PDZD2: variants seen among roughly 807,000 people sequenced by gnomAD.
The protein encoded by PDZD2 is PDZ domain-containing protein 2.
Under a neutral mutation model 220.7 loss-of-function variants are expected in PDZD2, and 90 were observed. That is an observed-to-expected ratio of 0.41 (90% CI 0.34 to 0.49). PDZD2 has a LOEUF of 0.49. Ranked by LOEUF, PDZD2 falls within the 20% of genes least tolerant of loss-of-function variation. PDZD2 has a pLI of 0.28. For missense variants in PDZD2, 3,174 were observed against 3,608.5 expected (o/e 0.88, Z 3.08); for synonymous variants, 1,375 against 1,450.5 (o/e 0.95, Z 1.18).
chr5:31,853,682 C>G (rs62360852), intron 2 of PDZD2, among the ~76,000 whole-genome samples: 12,439 of 152,190 alleles, frequency 0.082, 624 homozygotes, highest in Middle Eastern at 0.15. Context: ...TTAATTGCTT[C>G]GAATTCCACC....
chr5:31,735,125 A>T (rs997076102), intron 1 of PDZD2, among the ~76,000 whole-genome samples: 1 of 152,136 alleles, frequency 6.6e-6, no homozygotes, highest in African/African-American at 2.4e-5. Flanking sequence ...CAGCCTCTTC[A>T]TGAGCCGTGG....
intron 2 of PDZD2, chr5:31,936,278 G>T (rs1183357040): frequency 1.7e-5 from 17 of 987,568 alleles, no homozygotes; most frequent in Non-Finnish European, 7.2e-6. Flanking sequence ...ACCAACTTTG[G>T]AGTCTGTCCC....
At chr5:31,775,682 T>TGTGTGTGTGA (rs1554073335) in intron 1 of PDZD2, among the ~76,000 whole-genome samples, 5 of 151,238 alleles carry the variant, frequency 3.3e-5, no homozygotes, top group East Asian at 3.9e-4. Flanking sequence ...TGTGTGTGTG[T>TGTGTGTGTGA]GTGTGTGTGT....
intron 2 of PDZD2, among the ~76,000 whole-genome samples, chr5:31,959,668 G>A (rs1441479662): frequency 6.6e-6 from 1 of 152,136 alleles, no homozygotes; most frequent in African/African-American, 2.4e-5. Context: ...AAGTTCAAGA[G>A]TCAATAAAGC....
intron 2 of PDZD2, chr5:31,936,264 C>T: frequency 2.0e-6 from 2 of 987,600 alleles, no homozygotes; most frequent in Non-Finnish European, 2.4e-6. Context: ...GGAAGTGAAG[C>T]ACAACCAACT....
intron 4 of PDZD2, among the ~76,000 whole-genome samples, chr5:31,996,960 AGCATGT>A (rs879776351): frequency 2.6e-5 from 4 of 152,210 alleles, no homozygotes; most frequent in Non-Finnish European, 5.9e-5. Context: ...GTTTAGCTAG[AGCATGT>A]GCAAAACAGT....
At chr5:31,748,230 C>T (rs148612974) in intron 1 of PDZD2, among the ~76,000 whole-genome samples, 237 of 148,752 alleles carry the variant, frequency 1.6e-3, no homozygotes, top group Admixed American at 4.8e-3. Context: ...TGACCTACCA[C>T]GACATATTCA....
chr5:31,765,493 CT>C (rs1751945082), intron 1 of PDZD2, among the ~76,000 whole-genome samples: 1 of 152,212 alleles, frequency 6.6e-6, no homozygotes, highest in South Asian at 2.1e-4. Context: ...CTGCCCGCCC[CT>C]GTTCTCTCTC....
At chr5:31,892,086 A>AT (rs913903276) in intron 2 of PDZD2, among the ~76,000 whole-genome samples, 39 of 151,632 alleles carry the variant, frequency 2.6e-4, no homozygotes, top group Admixed American at 2.4e-3. Flanking sequence ...AATTTTTTTT[A>AT]TTTTTTGTAG....
At chr5:31,764,387 TA>T (rs1751859816) in intron 1 of PDZD2, among the ~76,000 whole-genome samples, 1 of 152,128 alleles carries the variant, frequency 6.6e-6, no homozygotes. Flanking sequence ...AATAAACCCT[TA>T]GAGGATTTGC....
intron 1 of PDZD2, among the ~76,000 whole-genome samples, chr5:31,690,490 G>A (rs906277386): frequency 6.6e-6 from 1 of 152,142 alleles, no homozygotes; most frequent in Non-Finnish European, 1.5e-5. Flanking sequence ...AGTTCTGGAG[G>A]CCCAAAGTCT....
At chr5:31,896,055 A>G (rs77792097) in intron 2 of PDZD2, among the ~76,000 whole-genome samples, 1,583 of 152,276 alleles carry the variant, frequency 0.01, 26 homozygotes, top group African/African-American at 0.036. Context: ...GCCCAAGGAC[A>G]CAGACTTGGG....
At position 32,010,356 on chromosome 5, in the gene PDZD2, G is replaced by T. The variant is rs200673096; in HGVS notation, c.1281G>T (p.Arg427Ser). ...AAAACTCCGCAGAGGACCTCCTCAG[G>T]TTAACATCTAAGAGCTTGCCAGATC... Reference protein sequence around the residue: ...SKENSAEDLLRLTSKSLPDLT... With the variant: ...SKENSAEDLLSLTSKSLPDLT... The change falls in exon 6 of 25, where the codon AGG (arginine) becomes AGT (serine). Residue 427 changes from arginine (R) to serine (S), a missense_variant. Physicochemically the swap from Arg to Ser is moderately radical, Grantham distance 110 (BLOSUM62 -1). Coordinates refer to ENST00000438447, the MANE Select transcript of PDZD2 (RefSeq NM_178140.4). 1.9e-5 allele frequency: 31 copies of T among 1,608,742 alleles called. No individual in the cohort carries two copies. Among genetic ancestry groups the T allele is most frequent in the Non-Finnish European group, 4.3e-6 (5 of 1,175,846 alleles).
chr5:31,826,453 A>T (rs1213762229), intron 2 of PDZD2, among the ~76,000 whole-genome samples: 1 of 152,088 alleles, frequency 6.6e-6, no homozygotes, highest in Non-Finnish European at 1.5e-5. Context: ...CGGGTGGATC[A>T]TTTGAGGTCA....
At chr5:31,857,829 T>TTTTA (rs200973866) in intron 2 of PDZD2, among the ~76,000 whole-genome samples, 6,325 of 152,050 alleles carry the variant, frequency 0.042, 156 homozygotes, top group Non-Finnish European at 0.054. Context: ...GTATTTTTAT[T>TTTTA]TTTATTTATT....
intron 1 of PDZD2, among the ~76,000 whole-genome samples, chr5:31,746,973 G>A (rs1422311916): frequency 1.3e-5 from 2 of 152,128 alleles, no homozygotes; most frequent in Non-Finnish European, 2.9e-5. Flanking sequence ...TCAGGAGTTC[G>A]AGACCAGCCT....
chr5:32,102,542 C>G (rs1202440142), intron 24 of PDZD2, among the ~76,000 whole-genome samples: 1 of 151,716 alleles, frequency 6.6e-6, no homozygotes, highest in Non-Finnish European at 1.5e-5. Flanking sequence ...GAGAAAACCT[C>G]AGACTCATCA....
intron 6 of PDZD2, among the ~76,000 whole-genome samples, chr5:32,030,758 C>T (rs1042437656): frequency 2.6e-5 from 4 of 152,120 alleles, no homozygotes; most frequent in African/African-American, 9.7e-5. Context: ...CTAATTCCAC[C>T]TAGGAAATGT....
intron 1 of PDZD2, among the ~76,000 whole-genome samples, chr5:31,733,201 G>A (rs1374255565): frequency 1.3e-5 from 2 of 152,150 alleles, no homozygotes; most frequent in East Asian, 1.9e-4. Flanking sequence ...ATAGTGCCTG[G>A]AAGGGAGTAC....
Sources: allele counts gnomAD v4.1 joint callset (sites outside exome capture counted in the v4.1 genomes callset), GRCh38; gene constraint gnomAD v4.1.1; transcripts MANE v1.5; gene names NCBI Gene and HGNC (gene_info 2026-07-23, HGNC 2026-07-21).